Variants in COL22A1 observed in about 807,000 individuals in gnomAD.
COL22A1 encodes collagen alpha-1(XXII) chain.
A neutral mutation model predicts 248.9 loss-of-function variants in COL22A1; 221 were observed. The ratio of observed to expected loss-of-function variants is 0.89; its 90% CI spans 0.80 to 0.99. COL22A1 has a LOEUF of 0.99. Ranked by LOEUF, COL22A1 falls within the 50% of genes least tolerant of loss-of-function variation. The pLI, the probability that COL22A1 is intolerant of heterozygous loss-of-function variation, is 0.00. For synonymous variants in COL22A1, 891 were observed against 793.4 expected, an observed-to-expected ratio of 1.12 and a Z score of -2.07; for missense variants, 2,240 against 2,179.0, an observed-to-expected ratio of 1.03 and a Z score of -0.56.
chr8:138,760,294 G>A lies in COL22A1; in HGVS notation c.1858-7C>T, dbSNP rs1345838670. ...CAGAAGGGCCGGGCCTGCCCTGGAG[G>A]AAAGAAAGAAAAGGCAGATTATGAT... On this transcript the variant is annotated splice_polypyrimidine_tract_variant and splice_region_variant and intron_variant, in intron 17 of 64. Coordinates refer to ENST00000303045, the MANE Select transcript of COL22A1 (RefSeq NM_152888.3). The A allele has an allele frequency of 6.3e-7, 1 of 1,598,324 alleles. No individual in the cohort carries two copies. Among genetic ancestry groups the A allele is most frequent in the South Asian group, 1.1e-5 (1 of 87,714 alleles).
At chr8:138,664,799 C>T (rs73449683) in intron 41 of COL22A1, among the ~76,000 whole-genome samples, 11,539 of 152,206 alleles carry the variant, frequency 0.076, 475 homozygotes, top group African/African-American at 0.08. Flanking sequence ...ATTTAAAGCA[C>T]GAGGAGAACT....
At chr8:138,692,463 ATGTGTGTGTGTGTGTGTGTGTGTGTG>A (rs145298366) in intron 35 of COL22A1, among the ~76,000 whole-genome samples, 3 of 136,012 alleles carry the variant, frequency 2.2e-5, no homozygotes, top group Non-Finnish European at 4.7e-5. Flanking sequence ...GTGTGAGTGC[ATGTGTGTGTGTGTGTGTGTGTGTGTG>A]TGTGTGTGTG....
intron 42 of COL22A1, among the ~76,000 whole-genome samples, chr8:138,662,651 C>A (rs925948451): frequency 6.6e-6 from 1 of 152,132 alleles, no homozygotes; most frequent in South Asian, 2.1e-4. Flanking sequence ...GAATTCCTGG[C>A]AGTTGCTGGA....
intron 58 of COL22A1, 126 bp from the exon 59 acceptor site, chr8:138,604,895 C>A: frequency 4.5e-6 from 4 of 886,026 alleles, no homozygotes; most frequent in Non-Finnish European, 7.3e-6. Context: ...GATGGTCTAC[C>A]TGGCCAAGGA....
chr8:138,686,176 G>C (rs545273811), intron 37 of COL22A1, among the ~76,000 whole-genome samples: 2 of 152,334 alleles, frequency 1.3e-5, no homozygotes, highest in East Asian at 3.9e-4. Context: ...TATAAGAACA[G>C]AGCCTAAAGC....
chr8:138,745,276 G>A (rs1456538333), intron 22 of COL22A1, among the ~76,000 whole-genome samples: 1 of 151,972 alleles, frequency 6.6e-6, no homozygotes, highest in Non-Finnish European at 1.5e-5. Context: ...AGCAAGGCAG[G>A]GCGTAAGAAG....
intron 3 of COL22A1, among the ~76,000 whole-genome samples, chr8:138,847,010 A>G (rs1345901468): frequency 6.6e-6 from 1 of 152,172 alleles, no homozygotes; most frequent in East Asian, 1.9e-4. Flanking sequence ...GAGACTGCTC[A>G]GCCTTGAACA....
At chr8:138,816,912 C>T (rs140986548) in intron 7 of COL22A1, among the ~76,000 whole-genome samples, 1 of 152,136 alleles carries the variant, frequency 6.6e-6, no homozygotes, top group Non-Finnish European at 1.5e-5. Flanking sequence ...TGTAATACCC[C>T]CATGGACACT....
At chr8:138,755,532 T>A (rs1832925991) in intron 19 of COL22A1, 21 bp from the exon 20 acceptor site, 1 of 1,613,948 alleles carries the variant, frequency 6.2e-7, no homozygotes, top group Admixed American at 1.7e-5. Flanking sequence ...AAGCAAGCAT[T>A]AGCAAAGGTG....
At chr8:138,621,430 C>A (rs76914555) in intron 52 of COL22A1, among the ~76,000 whole-genome samples, 3,435 of 152,274 alleles carry the variant, frequency 0.023, 131 homozygotes, top group African/African-American at 0.078. Flanking sequence ...TTCCTCCCTC[C>A]CTCACTGATT....
intron 32 of COL22A1, among the ~76,000 whole-genome samples, chr8:138,698,766 A>G (rs531131399): frequency 6.9e-6 from 1 of 144,572 alleles, no homozygotes; most frequent in South Asian, 2.2e-4. Context: ...CTCATGCAGT[A>G]AGTACCCGCC....
At chr8:138,763,957 G>C (rs1288007165) in intron 16 of COL22A1, among the ~76,000 whole-genome samples, 3 of 152,200 alleles carry the variant, frequency 2.0e-5, no homozygotes, top group African/African-American at 7.2e-5. Context: ...CGTTCCTGGA[G>C]CCTCAGTGTG....
chr8:138,886,066 G>T (rs973328623), intron 1 of COL22A1, among the ~76,000 whole-genome samples: 4 of 152,172 alleles, frequency 2.6e-5, no homozygotes, highest in Admixed American at 6.5e-5. Flanking sequence ...TGCAGGCTTT[G>T]GGGCTGATAT....
intron 46 of COL22A1, among the ~76,000 whole-genome samples, chr8:138,648,416 G>A (rs1004086195): frequency 6.6e-6 from 1 of 152,098 alleles, no homozygotes; most frequent in African/African-American, 2.4e-5. Flanking sequence ...ACCATGTATG[G>A]GTAAAATACA....
At chr8:138,792,833 C>T (rs1219454977) in intron 12 of COL22A1, among the ~76,000 whole-genome samples, 1 of 152,182 alleles carries the variant, frequency 6.6e-6, no homozygotes, top group Non-Finnish European at 1.5e-5. Flanking sequence ...TGCCAAAGAA[C>T]AGTGATTCAA....
At chr8:138,715,102 G>A (rs1829326326) in intron 30 of COL22A1, among the ~76,000 whole-genome samples, 1 of 152,204 alleles carries the variant, frequency 6.6e-6, no homozygotes, top group Admixed American at 6.5e-5. Context: ...AAGGGTGGAT[G>A]GACGGATGGA....
chr8:138,715,459 C>T (rs1829353946), intron 30 of COL22A1, among the ~76,000 whole-genome samples: 1 of 150,492 alleles, frequency 6.6e-6, no homozygotes, highest in African/African-American at 2.4e-5. Flanking sequence ...ATCCCAGCTA[C>T]TTGAGAAGCT....
rs536956305 is a variant in COL22A1 at position 138,863,556 on chromosome 8, G to A, written c.658+14194C>T. ...CTGAGTCCCAATCTACAAAGCAATA[G>A]CACTGAGCAAGTCATCTTCACTCCT... On this transcript the variant is annotated intron_variant, in intron 3 of 64. Coordinates refer to ENST00000303045, the MANE Select transcript of COL22A1 (RefSeq NM_152888.3). Among the ~76,000 whole-genome samples the A allele has an allele frequency of 2.0e-5, 3 of 152,256 alleles. No individual in the cohort carries two copies. The South Asian group carries it at 6.2e-4, about 32-fold the overall frequency.
chr8:138,629,316 G>A (rs758432666), intron 50 of COL22A1, among the ~76,000 whole-genome samples: 11 of 151,930 alleles, frequency 7.2e-5, no homozygotes, highest in African/African-American at 1.5e-4. Flanking sequence ...GCCACCGTGC[G>A]AGACTAATTT....
Sources: allele counts gnomAD v4.1 joint callset (sites outside exome capture counted in the v4.1 genomes callset), GRCh38; gene constraint gnomAD v4.1.1; transcripts MANE v1.5; gene names NCBI Gene and HGNC (gene_info 2026-07-23, HGNC 2026-07-21).